The following NPEPPS variants were observed in gnomAD, a reference collection of about 807,000 sequenced individuals.
The protein encoded by NPEPPS is aminopeptidase puromycin sensitive, also known as puromycin-sensitive aminopeptidase.
Under a neutral mutation model 115.5 loss-of-function variants are expected in NPEPPS, and 14 were observed. The observed-to-expected ratio is 0.12, with a 90% CI of 0.08 to 0.19. NPEPPS has a LOEUF of 0.19. Among genes scored for constraint, NPEPPS ranks in the 10% least tolerant of loss-of-function variants. NPEPPS has a pLI of 1.00. For missense variants in NPEPPS, 523 were observed against 1,110.8 expected (o/e 0.47, Z 7.52); for synonymous variants, 285 against 390.6 (o/e 0.73, Z 3.19).
intron 3 of NPEPPS, among the ~76,000 whole-genome samples, chr17:47,574,018 ATAAT>A (rs1232095903): frequency 6.6e-6 from 1 of 152,138 alleles, no homozygotes; most frequent in Non-Finnish European, 1.5e-5. Flanking sequence ...ACACCTCTGA[ATAAT>A]TGAGTCAAAG....
rs1451884680 is a variant in NPEPPS, at chr17:47,623,123, G to A, written c.*1203G>A. 1 of 247,306 alleles carries A rather than the reference G, an allele frequency of 4.0e-6. No homozygotes were observed. Among genetic ancestry groups the A allele is most frequent in the Non-Finnish European group, 7.9e-6 (1 of 126,590 alleles). The allele number at this position is 247,306 out of a possible 1,614,324, so 15.3% of individuals were successfully genotyped here. A position where few individuals can be genotyped will look rare whatever the true frequency, so the allele number is the denominator to read the frequency against. On this transcript the variant is annotated 3_prime_UTR_variant, in exon 23 of 23. Transcript: ENST00000322157. ...TTTTTTTCTTAAAAAAATATTTTGT[G>A]TTATTAACAGAAATTCATATTTGGT...
Position 47,617,367 on chromosome 17 carries a change from C to CT in NPEPPS, c.2296-976dup, listed in dbSNP as rs905170930. Among the ~76,000 whole-genome samples, 7 of 151,928 alleles carry CT rather than the reference C, an allele frequency of 4.6e-5. No homozygotes were observed. In the South Asian group the frequency reaches 6.2e-4, roughly 14 times the overall value. ...ATTTCCAGGGGTTCTCCCCCACCCC[C>CT]TTTTTTTGGAAACACAGTCTTGCTC... On this transcript the variant is annotated intron_variant, in intron 19 of 22. Coordinates refer to ENST00000322157, the MANE Select transcript of NPEPPS (RefSeq NM_006310.4).
At chr17:47,527,764 A>C (rs987609275), upstream of NPEPPS, among the ~76,000 whole-genome samples, 3 of 151,948 alleles carry the variant, frequency 2.0e-5, no homozygotes, top group Admixed American at 2.0e-4. Flanking sequence ...CAAGAAAAAC[A>C]AAACAAACAA....
chr17:47,610,603 C>T (rs887026426), intron 17 of NPEPPS, among the ~76,000 whole-genome samples: 8 of 151,776 alleles, frequency 5.3e-5, no homozygotes, highest in Admixed American at 1.3e-4. Flanking sequence ...AGGATGGTCT[C>T]GAGCTGTTGA....
intron 21 of NPEPPS, 125 bp from the exon 22 acceptor site, chr17:47,619,611 TC>T (rs1914417012): frequency 1.3e-6 from 1 of 765,278 alleles, no homozygotes; most frequent in Admixed American, 2.3e-5. Context: ...CTTCTCCATC[TC>T]CCATCACACA....
At chr17:47,589,711 A>G (rs1423009432) in intron 9 of NPEPPS, among the ~76,000 whole-genome samples, 1 of 152,180 alleles carries the variant, frequency 6.6e-6, no homozygotes, top group Non-Finnish European at 1.5e-5. Context: ...TGATAATTTT[A>G]TATTCCATAA....
intron 1 of NPEPPS, among the ~76,000 whole-genome samples, chr17:47,525,733 C>T (rs1410843606): frequency 2.0e-5 from 3 of 152,166 alleles, no homozygotes. Flanking sequence ...GGGCATACAT[C>T]TTGTACATAC....
At chr17:47,553,790 G>A (rs1186102189) in intron 2 of NPEPPS, among the ~76,000 whole-genome samples, 5 of 147,424 alleles carry the variant, frequency 3.4e-5, no homozygotes, top group African/African-American at 7.5e-5. Flanking sequence ...TTGCTCTGTC[G>A]CCCAGGCTGG....
upstream of NPEPPS, among the ~76,000 whole-genome samples, chr17:47,530,277 C>CAA (rs1188318324): frequency 2.1e-5 from 3 of 145,818 alleles, no homozygotes; most frequent in Admixed American, 2.1e-4. Flanking sequence ...ATCATGGAAA[C>CAA]AAAAATACAG....
At chr17:47,556,899 C>T (rs1446333140) in intron 2 of NPEPPS, among the ~76,000 whole-genome samples, 1 of 152,242 alleles carries the variant, frequency 6.6e-6, no homozygotes, top group Non-Finnish European at 1.5e-5. Context: ...GCCGTGGTCT[C>T]CCAAAGTGCC....
intron 17 of NPEPPS, among the ~76,000 whole-genome samples, chr17:47,606,128 C>T (rs931868540): frequency 2.0e-5 from 3 of 152,058 alleles, no homozygotes; most frequent in Admixed American, 6.6e-5. Flanking sequence ...CCGCCTGCCT[C>T]GGCCTCCCAA....
intron 12 of NPEPPS, among the ~76,000 whole-genome samples, chr17:47,595,792 G>A (rs1468896202): frequency 3.9e-5 from 6 of 152,002 alleles, no homozygotes; most frequent in Non-Finnish European, 5.9e-5. Context: ...GACCAACCTG[G>A]TCAACATGGC....
chr17:47,614,374 A>G (rs1246830412), intron 19 of NPEPPS, among the ~76,000 whole-genome samples: 1 of 152,028 alleles, frequency 6.6e-6, no homozygotes, highest in Non-Finnish European at 1.5e-5. Flanking sequence ...TTTAAGCAAA[A>G]CGTTTGTTTC....
rs1913662067 is a variant in NPEPPS at position 47,608,651 on chromosome 17, T to TGTAA, written c.2095+3103_2095+3106dup. ...TGGATGAGATCAACCAGTGACTGAGTGTAAGTAGAAGAAAGTGGTCTGAGT... is the reference window on the plus strand; with the variant it reads ...TGGATGAGATCAACCAGTGACTGAGTGTAAGTAAGTAGAAGAAAGTGGTCTGAGT... On this transcript the variant is annotated intron_variant, in intron 17 of 22. Transcript: ENST00000322157. 3.9e-5 allele frequency among the ~76,000 whole-genome samples: 6 copies of TGTAA among 152,070 alleles called. No homozygotes were observed. The South Asian group carries it at 1.2e-3, about 32-fold the overall frequency.
intron 5 of NPEPPS, among the ~76,000 whole-genome samples, chr17:47,583,938 A>T (rs868532750): frequency 6.9e-6 from 1 of 145,174 alleles, no homozygotes. Flanking sequence ...AAAAAAAAAT[A>T]GGCCAGGCAT....
At chr17:47,616,977 T>C (rs181939709) in intron 19 of NPEPPS, among the ~76,000 whole-genome samples, 2 of 152,240 alleles carry the variant, frequency 1.3e-5, no homozygotes, top group Admixed American at 1.3e-4. Flanking sequence ...AGAGTCTAAA[T>C]TGTCTTGGAG....
At chr17:47,595,455 A>G (rs547034923) in intron 12 of NPEPPS, among the ~76,000 whole-genome samples, 9 of 152,170 alleles carry the variant, frequency 5.9e-5, no homozygotes, top group African/African-American at 2.2e-4. Flanking sequence ...ACACATTTCA[A>G]TTTCTTTGTT....
intron 1 of NPEPPS, among the ~76,000 whole-genome samples, chr17:47,533,425 T>C (rs1371583366): frequency 1.3e-5 from 2 of 151,820 alleles, no homozygotes; most frequent in African/African-American, 4.8e-5. Flanking sequence ...TTGTAAACAG[T>C]AGTGTGTCTT....
Position 47,564,322 on chromosome 17 carries a change from C to T in NPEPPS, c.341-5095C>T, listed in dbSNP as rs1215676557. Among the ~76,000 whole-genome samples the T allele has an allele frequency of 4.6e-4, 70 of 151,974 alleles. 1 individual carries two copies. Among genetic ancestry groups the T allele is most frequent in the African/African-American group, 1.6e-3 (65 of 41,372 alleles). The stretch of plus-strand genomic sequence containing the variant: ...GTGGGAGGATTGCCAGTGCTTGAGC[C>T]CAGGAGTTTGAGACCAGCCTGGACA... On this transcript the variant is annotated intron_variant, in intron 2 of 22. Transcript: ENST00000322157.
Sources: allele counts gnomAD v4.1 joint callset (sites outside exome capture counted in the v4.1 genomes callset), GRCh38; gene constraint gnomAD v4.1.1; transcripts MANE v1.5; gene names NCBI Gene and HGNC (gene_info 2026-07-23, HGNC 2026-07-21).